SHOC1: variants seen among roughly 807,000 people sequenced by gnomAD.
SHOC1 encodes shortage in chiasmata 1, also known as protein shortage in chiasmata 1 ortholog.
SHOC1 carries 136 observed loss-of-function variants against 179.2 expected under a neutral mutation model. That is an observed-to-expected ratio of 0.76 (90% CI 0.66 to 0.87). The LOEUF is 0.87. Ranked by LOEUF, SHOC1 falls within the 40% of genes least tolerant of loss-of-function variation. The pLI, the probability that SHOC1 is intolerant of heterozygous loss-of-function variation, is 0.00. For synonymous variants in SHOC1, 489 were observed against 586.6 expected, an observed-to-expected ratio of 0.83 and a Z score of 2.41; for missense variants, 1,538 against 1,700.8, an observed-to-expected ratio of 0.90 and a Z score of 1.68.
chr9:111,772,112 C>T (rs1835633307), intron 5 of SHOC1, among the ~76,000 whole-genome samples: 1 of 151,586 alleles, frequency 6.6e-6, no homozygotes, highest in Admixed American at 6.6e-5. Context: ...CTTTTTTCTC[C>T]TCTGACTGTA....
chr9:111,778,196 C>T (rs1835901007), intron 4 of SHOC1, among the ~76,000 whole-genome samples: 2 of 152,108 alleles, frequency 1.3e-5, no homozygotes, highest in South Asian at 4.1e-4. Context: ...GTGCCTCCTC[C>T]TTTGCATAAC....
At chr9:111,706,221 A>C (rs568626162) in intron 20 of SHOC1, among the ~76,000 whole-genome samples, 16 of 152,158 alleles carry the variant, frequency 1.1e-4, no homozygotes, top group Non-Finnish European at 2.2e-4. Context: ...ATCAGTTAGC[A>C]TACTATTACA....
intron 16 of SHOC1, among the ~76,000 whole-genome samples, chr9:111,717,317 G>C (rs1317984981): frequency 1.3e-5 from 2 of 152,126 alleles, no homozygotes; most frequent in African/African-American, 4.8e-5. Flanking sequence ...GTCTAGGCTG[G>C]GTGTGGTGGC....
At chr9:111,738,046 G>A in intron 12 of SHOC1, 1 of 426,152 alleles carries the variant, frequency 2.3e-6, no homozygotes, top group Non-Finnish European at 4.1e-6. Flanking sequence ...TAAAAACTGA[G>A]ACTATAGAAT....
In SHOC1 at chr9:111,691,741, A is replaced by G. The variant is rs1564100702; in HGVS notation, c.4236T>C (p.Ser1412=). Residue 1412 remains serine (S), a synonymous_variant, in exon 27 of 28, where the codon AGT becomes AGC. Transcript: ENST00000682961. The part of the protein sequence containing the change: ...SDESEGLTCE[S]SKDETFWREL... ...CTCTCCAGAAAGTCTCATCTTTTGA[A>G]CTTTCACATGTGAGGCCTTCAGACT... is the stretch of plus-strand genomic sequence containing the variant. The G allele has an allele frequency of 8.1e-6, 13 of 1,614,060 alleles. No individual in the cohort carries two copies. Among genetic ancestry groups the G allele is most frequent in the Non-Finnish European group, 1.1e-5 (13 of 1,179,964 alleles).
intron 5 of SHOC1, among the ~76,000 whole-genome samples, chr9:111,768,667 T>C (rs921296682): frequency 6.6e-6 from 1 of 152,242 alleles, no homozygotes; most frequent in African/African-American, 2.4e-5. Flanking sequence ...ATTGCATAAA[T>C]CTTTGTTTTT....
At position 111,770,803 on chromosome 9, in the gene SHOC1, A is replaced by G. The variant is rs142506134; in HGVS notation, c.442+4988T>C. 7.8e-4 allele frequency among the ~76,000 whole-genome samples: 119 copies of G among 152,098 alleles called. 1 individual carries two copies. The highest frequency in any genetic ancestry group is 2.7e-3 in the African/African-American group (113 of 41,512). On this transcript the variant is annotated intron_variant, in intron 5 of 27. Coordinates refer to ENST00000682961, the MANE Select transcript of SHOC1 (RefSeq NM_001378211.1). ...TCTTTGTCTCTTTTTACAATCTTAGATTTGTAGTCTATTTTATATAAGTAT... is the reference window on the plus strand; with the variant it reads ...TCTTTGTCTCTTTTTACAATCTTAGGTTTGTAGTCTATTTTATATAAGTAT...
chr9:111,721,718 G>A lies in SHOC1; in HGVS notation c.2131+691C>T, dbSNP rs146747285. 3.1e-3 allele frequency among the ~76,000 whole-genome samples: 465 copies of A among 152,244 alleles called. 1 individual carries two copies. The highest frequency in any genetic ancestry group is 0.011 in the African/African-American group (448 of 41,516). ...CTGCACAATTCTATACTCTCTGTGC[G>A]AAGCTCTCTGCTCTCTAACATTCTA... On this transcript the variant is annotated intron_variant, in intron 15 of 27. Coordinates refer to ENST00000682961, the MANE Select transcript of SHOC1 (RefSeq NM_001378211.1).
chr9:111,700,989 G>A (rs1437776493), intron 23 of SHOC1, among the ~76,000 whole-genome samples: 3 of 152,208 alleles, frequency 2.0e-5, no homozygotes, highest in East Asian at 1.9e-4. Flanking sequence ...ACTCTTAGAA[G>A]CTTTCTCCTA....
intron 12 of SHOC1, among the ~76,000 whole-genome samples, chr9:111,731,628 C>T (rs1341207726): frequency 2.0e-5 from 3 of 151,964 alleles, no homozygotes; most frequent in African/African-American, 7.3e-5. Context: ...TAACTGAGCA[C>T]AGATAACTAT....
At chr9:111,786,159 T>G (rs1310251589) in intron 2 of SHOC1, 124 bp from the exon 3 acceptor site, 17 of 710,566 alleles carry the variant, frequency 2.4e-5, no homozygotes, top group Non-Finnish European at 3.4e-5. Flanking sequence ...TACATGCTCC[T>G]TATAAAAAAC....
At chr9:111,701,689 C>A (rs1831976356) in intron 23 of SHOC1, among the ~76,000 whole-genome samples, 1 of 151,928 alleles carries the variant, frequency 6.6e-6, no homozygotes, top group East Asian at 1.9e-4. Context: ...AGGGAAAAAC[C>A]AGGCTAAATC....
In SHOC1 at chr9:111,706,702, T is replaced by C; in HGVS notation, c.2603A>G (p.Asp868Gly). The change falls in exon 20 of 28, where the codon GAT becomes GGT. Residue 868 changes from aspartate to glycine, a missense_variant. Coordinates refer to ENST00000682961, the MANE Select transcript of SHOC1 (RefSeq NM_001378211.1). ...AAATGAGAAATTACTCCAGGGGAAA[T>C]CTGCTCCAATATATTGATTATGTAC... ...VVVHNQYIGA[D>G]FPWSNFSFVV... 1 of 1,608,918 alleles carries C rather than the reference T, an allele frequency of 6.2e-7. No homozygotes were observed. Among genetic ancestry groups the C allele is most frequent in the Non-Finnish European group, 8.5e-7 (1 of 1,177,300 alleles).
In SHOC1 at chr9:111,693,960, T is replaced by C; in HGVS notation, c.3316-12A>G. The C allele has an allele frequency of 6.3e-7, 1 of 1,595,944 alleles. No individual in the cohort carries two copies. Among genetic ancestry groups the C allele is most frequent in the Non-Finnish European group, 8.6e-7 (1 of 1,167,510 alleles). ...AAGTACATTTCTTCCTAGAAAAGAGTTTAAGAAATAATCAGTCAGTAGTCT... is the reference window on the plus strand; with the variant it reads ...AAGTACATTTCTTCCTAGAAAAGAGCTTAAGAAATAATCAGTCAGTAGTCT... On this transcript the variant is annotated splice_polypyrimidine_tract_variant and intron_variant, in intron 25 of 27. Transcript: ENST00000682961.
chr9:111,743,147 T>C (rs930388702), intron 10 of SHOC1, among the ~76,000 whole-genome samples: 1 of 152,332 alleles, frequency 6.6e-6, no homozygotes, highest in South Asian at 2.1e-4. Context: ...TGTTGTGCTC[T>C]GAAATAAAAA....
rs898001324 is a variant in SHOC1, at chr9:111,722,309, A to G, written c.2131+100T>C. The G allele has an allele frequency of 9.2e-6, 10 of 1,090,042 alleles. No individual in the cohort carries two copies. The African/African-American group carries it at 1.6e-4, about 17-fold the overall frequency. 67.5% of individuals were successfully genotyped at this position (1,090,042 alleles called of 1,614,324 possible). A position where few individuals can be genotyped will look rare whatever the true frequency, so the allele number is the denominator to read the frequency against. ...CTGAATTACAGTCATGCCACCATCT[A>G]TGGCTAATTTCTGAATCTTCTATAC... On this transcript the variant is annotated intron_variant, in intron 15 of 27. Coordinates refer to ENST00000682961, the MANE Select transcript of SHOC1 (RefSeq NM_001378211.1).
chr9:111,702,388 T>C (rs1044515950), intron 22 of SHOC1, among the ~76,000 whole-genome samples, 162 bp from the exon 23 acceptor site: 3 of 152,158 alleles, frequency 2.0e-5, no homozygotes, highest in Non-Finnish European at 4.4e-5. Flanking sequence ...CAGGAAGTAG[T>C]AGGAGAAAAG....
intron 24 of SHOC1, among the ~76,000 whole-genome samples, chr9:111,696,130 G>A (rs1245066674): frequency 1.3e-5 from 2 of 152,152 alleles, no homozygotes; most frequent in Non-Finnish European, 2.9e-5. Context: ...GTGTATTTAT[G>A]CATTTTCCTG....
chr9:111,763,093 A>G (rs1835206730), intron 5 of SHOC1, among the ~76,000 whole-genome samples: 1 of 152,004 alleles, frequency 6.6e-6, no homozygotes, highest in Admixed American at 6.5e-5. Flanking sequence ...ACTTATGGAT[A>G]AATCTTGGAT....
Sources: gnomAD v4.1 joint callset for allele counts (sites outside exome capture counted in the v4.1 genomes callset) on GRCh38, gnomAD v4.1.1 for gene constraint, MANE v1.5 for transcripts, NCBI Gene and HGNC (gene_info 2026-07-23, HGNC 2026-07-21) for gene names.